LYRM4: variants seen among roughly 807,000 people sequenced by gnomAD.
LYRM4 encodes LYR motif containing 4.
LYRM4 carries 9 observed loss-of-function variants against 11.7 expected under a neutral mutation model. The ratio of observed to expected loss-of-function variants is 0.77; its 90% CI spans 0.46 to 1.34. LYRM4 has a LOEUF of 1.34. LYRM4 is among the 40% of genes most tolerant of loss of function. LYRM4 has a pLI of 0.00. For missense variants in LYRM4, 133 were observed against 112.5 expected, an observed-to-expected ratio of 1.18 and a Z score of -0.82; for synonymous variants, 42 against 40.4, an observed-to-expected ratio of 1.04 and a Z score of -0.15.
At chr6:5,069,443 A>G in the LYRM4 span, among the ~76,000 whole-genome samples, 1 of 149,954 alleles carries the variant, frequency 6.7e-6, no homozygotes, top group Admixed American at 6.7e-5. Flanking sequence ...TACATATATC[A>G]TCAGCTACAC....
chr6:5,128,931 A>G (rs1763816836), intron 2 of LYRM4, among the ~76,000 whole-genome samples: 1 of 152,220 alleles, frequency 6.6e-6, no homozygotes, highest in South Asian at 2.1e-4. Context: ...ATGCCCTTCA[A>G]AGGCTTGACT....
At chr6:5,098,956 T>C (rs1172186049), downstream of LYRM4, among the ~76,000 whole-genome samples, 2 of 152,260 alleles carry the variant, frequency 1.3e-5, no homozygotes, top group East Asian at 1.9e-4. Context: ...TTTCCCATAT[T>C]TGTGGTCTCT....
Position 5,112,350 on chromosome 6 carries a change from G to A in LYRM4, c.208-2859C>T, listed in dbSNP as rs139067968. On this transcript the variant is annotated intron_variant, in intron 2 of 2. Coordinates refer to ENST00000330636, the MANE Select transcript of LYRM4 (RefSeq NM_020408.6). Reference sequence around the variant, plus strand: ...TCGCACAGTCCTGGTAGACAACACTGCTCAGCAGATCTGTGATGAGCGAGC... The same window carrying A: ...TCGCACAGTCCTGGTAGACAACACTACTCAGCAGATCTGTGATGAGCGAGC... Among the ~76,000 whole-genome samples the A allele has an allele frequency of 4.4e-3, 674 of 152,288 alleles. 3 individuals are homozygous for A. The highest frequency in any genetic ancestry group is 0.016 in the African/African-American group (644 of 41,508).
chr6:5,106,925 G>A (rs951336932), downstream of LYRM4: 1 of 152,262 alleles, frequency 6.6e-6, no homozygotes, highest in Non-Finnish European at 1.5e-5. Flanking sequence ...TAGTCAAGGA[G>A]GTGGAATACT....
the LYRM4 span, among the ~76,000 whole-genome samples, chr6:5,045,588 C>T: frequency 6.6e-6 from 1 of 152,208 alleles, no homozygotes; most frequent in Non-Finnish European, 1.5e-5. Flanking sequence ...AGAGCAGCTG[C>T]GCTGAGAATG....
At chr6:5,144,730 C>T (rs1757617108) in intron 2 of LYRM4, among the ~76,000 whole-genome samples, 1 of 146,298 alleles carries the variant, frequency 6.8e-6, no homozygotes, top group Non-Finnish European at 1.5e-5. Flanking sequence ...GCTGGGAAAT[C>T]ACTTTGTTCC....
the LYRM4 span, among the ~76,000 whole-genome samples, chr6:5,067,276 G>T: frequency 1.3e-5 from 2 of 152,260 alleles, no homozygotes; most frequent in East Asian, 1.9e-4. Flanking sequence ...TTAGTATGTC[G>T]TTAGCAACAG....
chr6:5,218,064 C>T (rs142034688), intron 1 of LYRM4, among the ~76,000 whole-genome samples: 3 of 151,604 alleles, frequency 2.0e-5, no homozygotes, highest in African/African-American at 4.9e-5. Context: ...CCCACCACCA[C>T]GCCTGGCTAA....
chr6:5,144,509 CGCCCGCA>C (rs1331793444), intron 2 of LYRM4, among the ~76,000 whole-genome samples: 1 of 150,920 alleles, frequency 6.6e-6, no homozygotes, highest in African/African-American at 2.4e-5. Flanking sequence ...TGGCGGTGGG[CGCCCGCA>C]GTCCCAGCTA....
chr6:5,236,905 TGTG>T (rs1280110721), intron 1 of LYRM4, among the ~76,000 whole-genome samples: 3 of 152,034 alleles, frequency 2.0e-5, no homozygotes, highest in African/African-American at 7.2e-5. Context: ...TGCAGTGGGC[TGTG>T]ATTATGCCAC....
intron 1 of LYRM4, 50 bp downstream of exon 1, chr6:5,260,598 T>TGCCCCGGCCCCGGGGCCCCCCC: frequency 7.2e-6 from 8 of 1,105,562 alleles, no homozygotes; most frequent in African/African-American, 3.3e-5. Flanking sequence ...GCACCCCCGG[T>TGCCCCGGCCCCGGGGCCCCCCC]CCCCGGCCCC....
intron 2 of LYRM4, among the ~76,000 whole-genome samples, chr6:5,112,920 T>TG (rs71540848): frequency 2.6e-5 from 4 of 151,578 alleles, no homozygotes; most frequent in Non-Finnish European, 5.9e-5. Flanking sequence ...AGGGTGAGGA[T>TG]GGGGGTGGAG....
chr6:5,136,199 G>A, intron 2 of LYRM4: 1 of 808,872 alleles, frequency 1.2e-6, no homozygotes. Flanking sequence ...CTGAACACTG[G>A]TGGGCAAGTA....
At chr6:5,246,729 T>C (rs1764213766) in intron 1 of LYRM4, among the ~76,000 whole-genome samples, 1 of 151,970 alleles carries the variant, frequency 6.6e-6, no homozygotes, top group Non-Finnish European at 1.5e-5. Context: ...AATGCCCAGT[T>C]CCAGCTTTGT....
chr6:5,134,532 T>TATC (rs2127616305), intron 2 of LYRM4, among the ~76,000 whole-genome samples: 1 of 152,380 alleles, frequency 6.6e-6, no homozygotes, highest in African/African-American at 2.4e-5. Context: ...ATGATAACGG[T>TATC]ATCATAGCTA....
intron 2 of LYRM4, among the ~76,000 whole-genome samples, chr6:5,140,993 G>C (rs1023199117): frequency 6.6e-6 from 1 of 152,202 alleles, no homozygotes; most frequent in Non-Finnish European, 1.5e-5. Flanking sequence ...ATCAGACCAA[G>C]AGCCTCTGTG....
At chr6:5,127,533 T>TTA (rs1191984228) in intron 2 of LYRM4, among the ~76,000 whole-genome samples, 1 of 152,228 alleles carries the variant, frequency 6.6e-6, no homozygotes, top group Non-Finnish European at 1.5e-5. Context: ...ATGTGGCTGT[T>TTA]TAGCACTTGA....
intron 2 of LYRM4, among the ~76,000 whole-genome samples, chr6:5,174,105 C>A (rs568361443): frequency 1.0e-3 from 153 of 152,260 alleles, no homozygotes; most frequent in Non-Finnish European, 1.6e-3. Context: ...TCTCTCAGTT[C>A]TCTTTTGTTG....
chr6:5,232,671 C>T (rs1763309298), intron 1 of LYRM4, among the ~76,000 whole-genome samples: 1 of 152,182 alleles, frequency 6.6e-6, no homozygotes, highest in South Asian at 2.1e-4. Flanking sequence ...AAGGAGTTTA[C>T]TCTCCACCAC....
Sources: gnomAD v4.1 joint callset for allele counts (sites outside exome capture counted in the v4.1 genomes callset) on GRCh38, gnomAD v4.1.1 for gene constraint, MANE v1.5 for transcripts, NCBI Gene and HGNC (gene_info 2026-07-23, HGNC 2026-07-21) for gene names.